Variants in ZNF211 observed in about 807,000 individuals in gnomAD.
ZNF211 encodes zinc finger protein 211.
In ZNF211, 18 loss-of-function variants were observed where a neutral mutation model predicts 12.1. The ratio of observed to expected loss-of-function variants is 1.48; its 90% CI spans 1.03 to 2.20. The LOEUF is 2.20. Ranked by LOEUF, ZNF211 falls within the 30% of genes most tolerant of loss-of-function variation. The probability of loss-of-function intolerance (pLI) is 0.00; values close to 1 mark genes in which losing one functional copy is unlikely to be tolerated. For synonymous variants in ZNF211, 249 were observed against 246.0 expected, an observed-to-expected ratio of 1.01 and a Z score of -0.11; for missense variants, 677 against 703.1, an observed-to-expected ratio of 0.96 and a Z score of 0.42.
Position 57,642,048 on chromosome 19 carries a change from G to C in ZNF211, c.1601G>C (p.Ser534Thr). The C allele has an allele frequency of 6.2e-7, 1 of 1,614,122 alleles. No individual in the cohort carries two copies. Among genetic ancestry groups the C allele is most frequent in the Non-Finnish European group, 8.5e-7 (1 of 1,179,992 alleles). Residue 534 changes from serine (S) to threonine (T), a missense_variant, in exon 4 of 4, where the codon AGT (serine) becomes ACT (threonine). Coordinates refer to ENST00000240731, the MANE Select transcript of ZNF211 (RefSeq NM_006385.5). Reference sequence around the variant, plus strand: ...GAATGTGGGAAATCCTTTAGCCAAAGTTCTAGCCTCATTCAACACCGCAGA... The same window carrying C: ...GAATGTGGGAAATCCTTTAGCCAAACTTCTAGCCTCATTCAACACCGCAGA... ...CSECGKSFSQSSSLIQHRRVH... is the reference protein window; with the variant it reads ...CSECGKSFSQTSSLIQHRRVH...
At chr19:57,633,517 C>A in intron 1 of ZNF211, 81 bp downstream of exon 1, 1 of 1,508,300 alleles carries the variant, frequency 6.6e-7, no homozygotes, top group South Asian at 1.3e-5. Context: ...GTCTCTGTAG[C>A]ACAGGGTCGG....
intron 3 of ZNF211, chr19:57,639,945 A>T: frequency 6.5e-7 from 1 of 1,532,458 alleles, no homozygotes. Flanking sequence ...GTAGTTGCTC[A>T]ACTAGGGCTA....
chr19:57,639,642 TCC>T (rs769845976), intron 3 of ZNF211, among the ~76,000 whole-genome samples: 28 of 149,972 alleles, frequency 1.9e-4, no homozygotes, highest in Non-Finnish European at 2.5e-4. Context: ...GCCATACTGG[TCC>T]CAAACTCCTG....
In ZNF211 at chr19:57,642,253, A is replaced by G; in HGVS notation, c.*72A>G. ...GAGTACACCTGTGAGAGAGACAAGT[A>G]CCTGATTTGGAAGCCCCAACATCTA... On this transcript the variant is annotated 3_prime_UTR_variant, in exon 4 of 4. Coordinates refer to ENST00000240731, the MANE Select transcript of ZNF211 (RefSeq NM_006385.5). 12 of 1,482,996 alleles carry G rather than the reference A, an allele frequency of 8.1e-6. No homozygotes were observed. The highest frequency in any genetic ancestry group is 9.9e-6 in the Non-Finnish European group (11 of 1,110,872). 91.9% of individuals were successfully genotyped at this position (1,482,996 alleles called of 1,614,324 possible). A position where few individuals can be genotyped will look rare whatever the true frequency, so the allele number is the denominator to read the frequency against.
chr19:57,634,834 A>T lies in ZNF211; in HGVS notation c.256+79A>T. 3 of 1,402,422 alleles carry T rather than the reference A, an allele frequency of 2.1e-6. No homozygotes were observed. The South Asian group carries it at 5.6e-5, about 26-fold the overall frequency. The allele number at this position is 1,402,422 out of a possible 1,614,324, so 86.9% of individuals were successfully genotyped here. ...TTTCCTCAGGAGCAGCTCTGTCCTC[A>T]TATCTGGACTATAGGCACTGCCTCC... On this transcript the variant is annotated intron_variant, in intron 3 of 3. Transcript: ENST00000240731.
At chr19:57,634,821 C>G (rs1981933225) in intron 3 of ZNF211, 66 bp downstream of exon 3, 2 of 1,441,836 alleles carry the variant, frequency 1.4e-6, no homozygotes, top group Non-Finnish European at 1.8e-6. Context: ...TCCTCAGGAG[C>G]AGCTCTGTCC....
chr19:57,640,601 G>C (rs1982759517), intron 3 of ZNF211, 103 bp from the exon 4 acceptor site: 2 of 1,421,030 alleles, frequency 1.4e-6, no homozygotes, highest in Non-Finnish European at 1.9e-6. Context: ...CTAAAAACAG[G>C]CCCATATACT....
At chr19:57,638,485 A>G (rs896026463) in intron 3 of ZNF211, among the ~76,000 whole-genome samples, 2 of 152,006 alleles carry the variant, frequency 1.3e-5, no homozygotes, top group African/African-American at 2.4e-5. Context: ...TGATTTCTTC[A>G]TGGCCCCATT....
Position 57,639,876 on chromosome 19 carries a change from A to G in ZNF211, c.257-828A>G, listed in dbSNP as rs967373640. ...TTTTTGTGCCGTGTTGTTCTGGGCCAGTGTTAGTTGCTCACATGTCCTGTC... is the reference window on the plus strand; with the variant it reads ...TTTTTGTGCCGTGTTGTTCTGGGCCGGTGTTAGTTGCTCACATGTCCTGTC... On this transcript the variant is annotated intron_variant, in intron 3 of 3. Coordinates refer to ENST00000240731, the MANE Select transcript of ZNF211 (RefSeq NM_006385.5). 2.7e-6 allele frequency: 4 copies of G among 1,507,310 alleles called. No homozygotes were observed. In the African/African-American group the frequency reaches 5.6e-5, roughly 21 times the overall value. The allele number at this position is 1,507,310 out of a possible 1,614,324, so 93.4% of individuals were successfully genotyped here.
chr19:57,633,938 G>A (rs760727790), intron 1 of ZNF211, 85 bp from the exon 2 acceptor site: 36 of 1,608,232 alleles, frequency 2.2e-5, no homozygotes, highest in Non-Finnish European at 2.9e-5. Flanking sequence ...ACGTGGCTCT[G>A]GGCCGGGGCA....
Position 57,643,800 on chromosome 19 carries a change from A to G in ZNF211, c.*1619A>G, listed in dbSNP as rs919633809. The stretch of plus-strand genomic sequence containing the variant: ...CAACCATTGATTTATACCTTCATTT[A>G]TAATAGGTTTGTTTGTATTTTCTAT... On this transcript the variant is annotated 3_prime_UTR_variant, in exon 4 of 4. Coordinates refer to ENST00000240731, the MANE Select transcript of ZNF211 (RefSeq NM_006385.5). 1.3e-5 allele frequency among the ~76,000 whole-genome samples: 2 copies of G among 152,158 alleles called. No homozygotes were observed. The highest frequency in any genetic ancestry group is 4.8e-5 in the African/African-American group (2 of 41,440).
At position 57,641,682 on chromosome 19, in the gene ZNF211, G is replaced by A; in HGVS notation, c.1235G>A (p.Cys412Tyr). ...RVHTGERPHE[C>Y]NECGKSFSRS... ...CACACTGGAGAAAGACCTCATGAGT[G>A]CAATGAATGTGGAAAATCCTTTAGC... Residue 412 changes from cysteine to tyrosine, a missense_variant, in exon 4 of 4, where the codon TGC (cysteine) becomes TAC (tyrosine). Transcript: ENST00000240731. The A allele has an allele frequency of 6.2e-7, 1 of 1,614,154 alleles. No individual in the cohort carries two copies. Among genetic ancestry groups the A allele is most frequent in the Non-Finnish European group, 8.5e-7 (1 of 1,180,024 alleles).
chr19:57,642,272 A>G lies in ZNF211; in HGVS notation c.*91A>G, dbSNP rs1003518492. On this transcript the variant is annotated 3_prime_UTR_variant, in exon 4 of 4. Transcript: ENST00000240731. ...ACAAGTACCTGATTTGGAAGCCCCA[A>G]CATCTAAGGATATACAGTGGGCGGA... The G allele has an allele frequency of 9.5e-5, 132 of 1,383,794 alleles. No homozygotes were observed. The highest frequency in any genetic ancestry group is 1.2e-4 in the Non-Finnish European group (125 of 1,024,854). 85.7% of individuals were successfully genotyped at this position (1,383,794 alleles called of 1,614,324 possible).
At chr19:57,633,734 C>A (rs976068175) in intron 1 of ZNF211, 1 of 1,533,436 alleles carries the variant, frequency 6.5e-7, no homozygotes, top group African/African-American at 1.4e-5. Flanking sequence ...CCATAGAGAG[C>A]TTGCGCAAAC....
In ZNF211 at chr19:57,633,418, A is replaced by C; in HGVS notation, c.72A>C (p.Ala24=). The C allele has an allele frequency of 1.2e-6, 2 of 1,602,680 alleles. No individual in the cohort carries two copies. Among genetic ancestry groups the C allele is most frequent in the Non-Finnish European group, 1.7e-6 (2 of 1,178,396 alleles). ...QLRPQTRMAT[A]LRDPASVPIA... is the part of the protein sequence containing the mutation. Reference sequence around the variant, plus strand: ...GCCCACAGACTCGGATGGCGACCGCACTGAGGGACCCGGCTTCGGTGAGCG... The same window carrying C: ...GCCCACAGACTCGGATGGCGACCGCCCTGAGGGACCCGGCTTCGGTGAGCG... Residue 24 remains alanine, a synonymous_variant, in exon 1 of 4, where the codon GCA becomes GCC. Coordinates refer to ENST00000240731, the MANE Select transcript of ZNF211 (RefSeq NM_006385.5).
chr19:57,633,243 T>G lies in ZNF211; in HGVS notation c.-104T>G. 8.5e-7 allele frequency: 1 copy of G among 1,182,856 alleles called. No homozygotes were observed. The highest frequency in any genetic ancestry group is 1.1e-6 in the Non-Finnish European group (1 of 877,214). The allele number at this position is 1,182,856 out of a possible 1,614,324, so 73.3% of individuals were successfully genotyped here. A position where few individuals can be genotyped will look rare whatever the true frequency, so the allele number is the denominator to read the frequency against. ...GAGGTCCGTTCTGTCTGTCAGCCGCTTTGGTACGCTGCATCGGGATCGAAG... is the reference window on the plus strand; with the variant it reads ...GAGGTCCGTTCTGTCTGTCAGCCGCGTTGGTACGCTGCATCGGGATCGAAG... On this transcript the variant is annotated 5_prime_UTR_variant, in exon 1 of 4. Transcript: ENST00000240731.
chr19:57,637,922 A>G (rs184602027), intron 3 of ZNF211, among the ~76,000 whole-genome samples: 1 of 146,906 alleles, frequency 6.8e-6, no homozygotes, highest in Non-Finnish European at 1.5e-5. Context: ...TTCTTGAGAC[A>G]GAGTATTGCT....
In ZNF211 at chr19:57,643,109, AG is replaced by A; in HGVS notation, c.*931del. On this transcript the variant is annotated 3_prime_UTR_variant, in exon 4 of 4. Coordinates refer to ENST00000240731, the MANE Select transcript of ZNF211 (RefSeq NM_006385.5). Reference sequence around the variant, plus strand: ...AAGATGAATTTTGTTGTTATTCACAAGGGTTATTACATACTGCCCAGCACTG... The same window carrying A: ...AAGATGAATTTTGTTGTTATTCACAAGGTTATTACATACTGCCCAGCACTG... 6.6e-6 allele frequency among the ~76,000 whole-genome samples: 1 copy of A among 152,222 alleles called. No homozygotes were observed. The highest frequency in any genetic ancestry group is 2.1e-4 in the South Asian group (1 of 4,824).
intron 3 of ZNF211, among the ~76,000 whole-genome samples, chr19:57,639,611 A>G (rs1319027600): frequency 6.7e-6 from 1 of 150,070 alleles, no homozygotes; most frequent in East Asian, 2.0e-4. Context: ...TTTTTAGTAG[A>G]GACAGGGTTT....
Sources: gnomAD v4.1 joint callset for allele counts (sites outside exome capture counted in the v4.1 genomes callset) on GRCh38, gnomAD v4.1.1 for gene constraint, MANE v1.5 for transcripts, NCBI Gene and HGNC (gene_info 2026-07-23, HGNC 2026-07-21) for gene names.